The following NALF1 variants were observed in gnomAD, a reference collection of about 807,000 sequenced individuals.
NALF1 encodes NALCN channel auxiliary factor 1, also known as family with sequence similarity 155 member A.
In NALF1, 3 loss-of-function variants were observed where a neutral mutation model predicts 48.4. The ratio of observed to expected loss-of-function variants is 0.06; its 90% CI spans 0.03 to 0.16. The LOEUF is 0.16. NALF1 is among the 10% of genes least tolerant of loss of function. NALF1 has a pLI of 1.00. For synonymous variants in NALF1, 262 were observed against 245.7 expected (o/e 1.07, Z -0.62); for missense variants, 526 against 571.5 (o/e 0.92, Z 0.81).
At chr13:107,855,925 T>C (rs74904990) in intron 1 of NALF1, among the ~76,000 whole-genome samples, 4 of 152,158 alleles carry the variant, frequency 2.6e-5, no homozygotes, top group South Asian at 2.1e-4. Context: ...TTTTTTTTTT[T>C]CAGACAGGTT....
At chr13:107,714,231 C>G (rs894490893) in intron 1 of NALF1, among the ~76,000 whole-genome samples, 2 of 152,144 alleles carry the variant, frequency 1.3e-5, no homozygotes, top group Non-Finnish European at 2.9e-5. Flanking sequence ...GAATATGACA[C>G]ATAAGTGCAT....
At chr13:107,367,875 C>T (rs1281649544) in intron 1 of NALF1, among the ~76,000 whole-genome samples, 3 of 152,140 alleles carry the variant, frequency 2.0e-5, no homozygotes, top group Non-Finnish European at 4.4e-5. Flanking sequence ...AAGAAACATG[C>T]ATTTAGGTAA....
At chr13:107,796,479 A>G (rs1479603818) in intron 1 of NALF1, among the ~76,000 whole-genome samples, 4 of 152,184 alleles carry the variant, frequency 2.6e-5, no homozygotes, top group Non-Finnish European at 5.9e-5. Context: ...GATGTATTTA[A>G]TATCACTTTT....
chr13:107,382,038 T>C (rs1883449325), intron 1 of NALF1, among the ~76,000 whole-genome samples: 1 of 152,192 alleles, frequency 6.6e-6, no homozygotes, highest in Admixed American at 6.5e-5. Flanking sequence ...TCCATCAATA[T>C]AAACTTTCTG....
intron 1 of NALF1, among the ~76,000 whole-genome samples, chr13:107,622,542 C>G (rs1879553115): frequency 6.6e-6 from 1 of 151,898 alleles, no homozygotes; most frequent in Non-Finnish European, 1.5e-5. Flanking sequence ...TAATCTGTCT[C>G]TGCTAAATTT....
chr13:107,230,461 G>A (rs943328538), intron 1 of NALF1, among the ~76,000 whole-genome samples: 4 of 151,968 alleles, frequency 2.6e-5, no homozygotes, highest in African/African-American at 9.7e-5. Flanking sequence ...TATATTGATT[G>A]TGAATATATT....
At position 107,390,935 on chromosome 13, in the gene NALF1, A is replaced by G. The variant is rs533771304; in HGVS notation, c.916-180180T>C. On this transcript the variant is annotated intron_variant, in intron 1 of 2. Transcript: ENST00000375915. Reference sequence around the variant, plus strand: ...GAGGCTGTTTTAGAAAATGAAAGAAAAGACAGACACTGATCACTGCATTTA... The same window carrying G: ...GAGGCTGTTTTAGAAAATGAAAGAAGAGACAGACACTGATCACTGCATTTA... Among the ~76,000 whole-genome samples, 9 of 150,696 alleles carry G rather than the reference A, an allele frequency of 6.0e-5. No individual in the cohort carries two copies. In the South Asian group the frequency reaches 1.9e-3, roughly 31 times the overall value.
chr13:107,314,150 GTC>G (rs1431256219), intron 1 of NALF1, among the ~76,000 whole-genome samples: 1 of 152,066 alleles, frequency 6.6e-6, no homozygotes, highest in African/African-American at 2.4e-5. Flanking sequence ...TCTTCTAAAT[GTC>G]TCTCAGGTCT....
chr13:107,210,603 G>A lies in NALF1; in HGVS notation c.1068C>T (p.Leu356=). ...PDNDEVIYGG[L]SSFICTGLYE... is the part of the protein sequence containing the mutation. ...CTGTACCTGTACAGATGAAACTGGA[G>A]AGGCCTCCGTAGATGACTTCATCAT... Residue 356 remains leucine, a synonymous_variant, in exon 2 of 3, where the codon CTC becomes CTT. Coordinates refer to ENST00000375915, the MANE Select transcript of NALF1 (RefSeq NM_001080396.3). 6.2e-7 allele frequency: 1 copy of A among 1,613,314 alleles called. No homozygotes were observed. The highest frequency in any genetic ancestry group is 8.5e-7 in the Non-Finnish European group (1 of 1,179,302).
intron 1 of NALF1, among the ~76,000 whole-genome samples, chr13:107,262,149 T>G (rs1880939750): frequency 6.6e-6 from 1 of 152,188 alleles, no homozygotes; most frequent in South Asian, 2.1e-4. Flanking sequence ...GCATGGTGGC[T>G]CATACCTGTA....
chr13:107,328,238 C>T (rs867021988), intron 1 of NALF1, among the ~76,000 whole-genome samples: 26 of 151,128 alleles, frequency 1.7e-4, no homozygotes, highest in Non-Finnish European at 2.2e-4. Context: ...TTCCTAAACA[C>T]CCTTTGACTT....
rs535959006 is a variant in NALF1 at position 107,860,658 on chromosome 13, G to C, written c.915+5024C>G. On this transcript the variant is annotated intron_variant, in intron 1 of 2. Coordinates refer to ENST00000375915, the MANE Select transcript of NALF1 (RefSeq NM_001080396.3). Reference sequence around the variant, plus strand: ...ATCAATATAAACAACAAAATATTTGGTGCTTAGTCATTGTGAGAGCAACAC... The same window carrying C: ...ATCAATATAAACAACAAAATATTTGCTGCTTAGTCATTGTGAGAGCAACAC... 5.9e-5 allele frequency among the ~76,000 whole-genome samples: 9 copies of C among 152,252 alleles called. No homozygotes were observed. In the South Asian group the frequency reaches 1.9e-3, roughly 32 times the overall value.
chr13:107,717,841 T>A (rs1875866939), intron 1 of NALF1, among the ~76,000 whole-genome samples: 1 of 152,166 alleles, frequency 6.6e-6, no homozygotes, highest in African/African-American at 2.4e-5. Flanking sequence ...GGCACAGAGA[T>A]GATTGGGATA....
chr13:107,670,924 T>C (rs1034073172), intron 1 of NALF1, among the ~76,000 whole-genome samples: 2 of 152,138 alleles, frequency 1.3e-5, no homozygotes, highest in African/African-American at 4.8e-5. Context: ...GTCTAGCCTC[T>C]TCTCCATCCT....
intron 1 of NALF1, among the ~76,000 whole-genome samples, chr13:107,242,799 T>C (rs1210195612): frequency 6.6e-6 from 1 of 152,170 alleles, no homozygotes; most frequent in African/African-American, 2.4e-5. Context: ...ACAAGTTCTC[T>C]GGGTTTTCTA....
intron 1 of NALF1, among the ~76,000 whole-genome samples, chr13:107,425,259 T>A (rs1884259763): frequency 6.6e-6 from 1 of 152,270 alleles, no homozygotes; most frequent in Admixed American, 6.6e-5. Context: ...ATGTTCTTCC[T>A]GTTAGTAATT....
chr13:107,278,698 A>T (rs1036092175), intron 1 of NALF1, among the ~76,000 whole-genome samples: 3 of 152,346 alleles, frequency 2.0e-5, no homozygotes, highest in African/African-American at 7.2e-5. Context: ...TTGTTTTTTT[A>T]AAAATCTGAT....
chr13:107,180,501 C>T (rs1879038431), intron 2 of NALF1, among the ~76,000 whole-genome samples: 1 of 151,882 alleles, frequency 6.6e-6, no homozygotes, highest in African/African-American at 2.4e-5. Context: ...TAGTAATGCA[C>T]TTTAAAATTA....
chr13:107,325,417 C>A (rs1882333030), intron 1 of NALF1, among the ~76,000 whole-genome samples: 1 of 152,012 alleles, frequency 6.6e-6, no homozygotes, highest in Admixed American at 6.6e-5. Context: ...TGACTAAAGA[C>A]AAATAATTCA....
Sources: gnomAD v4.1 joint callset for allele counts (sites outside exome capture counted in the v4.1 genomes callset) on GRCh38, gnomAD v4.1.1 for gene constraint, MANE v1.5 for transcripts, NCBI Gene and HGNC (gene_info 2026-07-23, HGNC 2026-07-21) for gene names.